The following SAMD12 variants were observed in gnomAD, a reference collection of about 807,000 sequenced individuals.
SAMD12 encodes sterile alpha motif domain containing 12, also known as sterile alpha motif domain-containing protein 12.
In SAMD12, 9 loss-of-function variants were observed where a neutral mutation model predicts 15.0. The ratio of observed to expected loss-of-function variants is 0.60; its 90% CI spans 0.36 to 1.05. SAMD12 has a LOEUF of 1.05. Among genes scored for constraint, SAMD12 ranks in the 50% least tolerant of loss-of-function variants. The pLI is 0.01. For synonymous variants in SAMD12, 86 were observed against 90.1 expected, an observed-to-expected ratio of 0.96 and a Z score of 0.25; for missense variants, 230 against 234.2, an observed-to-expected ratio of 0.98 and a Z score of 0.12.
the SAMD12 span, among the ~76,000 whole-genome samples, chr8:118,177,267 A>C: frequency 1.4e-5 from 2 of 147,036 alleles, no homozygotes; most frequent in East Asian, 4.0e-4. Context: ...TTGAGACAAG[A>C]TCTCATTCTG....
At chr8:118,173,750 T>C in the SAMD12 span, among the ~76,000 whole-genome samples, 6 of 151,532 alleles carry the variant, frequency 4.0e-5, no homozygotes, top group East Asian at 7.8e-4. Context: ...ATGCCTCAGC[T>C]TCCCGCATAG....
At chr8:118,589,771 T>C (rs573733841) in intron 1 of SAMD12, among the ~76,000 whole-genome samples, 1 of 152,224 alleles carries the variant, frequency 6.6e-6, no homozygotes, top group Non-Finnish European at 1.5e-5. Flanking sequence ...CCATGACCAA[T>C]CATCTTTATG....
At chr8:118,192,766 CTTA>C (rs1366016575) in exon 5 of SAMD12, 3 of 152,154 alleles carry the variant, frequency 2.0e-5, no homozygotes, top group African/African-American at 4.8e-5. Context: ...ATCTATGACA[CTTA>C]TTATGTCAAC....
intron 2 of SAMD12, among the ~76,000 whole-genome samples, chr8:118,444,537 C>CT (rs753468369): frequency 0.042 from 5,873 of 140,780 alleles, 314 homozygotes; most frequent in African/African-American, 0.13. Flanking sequence ...TTGCAAATTA[C>CT]TTTTTTTTTT....
At chr8:118,325,954 A>T (rs1335168018) in intron 4 of SAMD12, among the ~76,000 whole-genome samples, 2 of 152,216 alleles carry the variant, frequency 1.3e-5, no homozygotes, top group Non-Finnish European at 2.9e-5. Flanking sequence ...CTTACTTTGG[A>T]AACATTTTGC....
chr8:118,324,836 G>A (rs113008051), intron 4 of SAMD12, among the ~76,000 whole-genome samples: 17 of 152,278 alleles, frequency 1.1e-4, no homozygotes, highest in Admixed American at 8.5e-4. Flanking sequence ...TGCAGTAAGC[G>A]GAGGTCATGT....
chr8:118,449,690 C>T (rs1236268109), intron 2 of SAMD12, among the ~76,000 whole-genome samples: 1 of 150,442 alleles, frequency 6.6e-6, no homozygotes, highest in African/African-American at 2.4e-5. Context: ...TCCCAGCCTG[C>T]CTCGGGAAGC....
chr8:118,387,913 T>G (rs1305977610), intron 3 of SAMD12, among the ~76,000 whole-genome samples: 1 of 152,158 alleles, frequency 6.6e-6, no homozygotes, highest in African/African-American at 2.4e-5. Context: ...GATGGGTCTC[T>G]GAAAGTAGCC....
intron 4 of SAMD12, among the ~76,000 whole-genome samples, chr8:118,287,342 G>T (rs1586436160): frequency 6.6e-6 from 1 of 150,662 alleles, no homozygotes; most frequent in East Asian, 2.0e-4. Flanking sequence ...AGCCAGGATG[G>T]TCTTGATCTC....
chr8:118,555,360 TTC>T (rs900688658), intron 2 of SAMD12, among the ~76,000 whole-genome samples: 10 of 152,234 alleles, frequency 6.6e-5, no homozygotes, highest in African/African-American at 2.4e-5. Flanking sequence ...CATGGTATTT[TTC>T]TCTCTTTTTG....
chr8:118,156,649 G>T, the SAMD12 span, among the ~76,000 whole-genome samples: 1 of 152,084 alleles, frequency 6.6e-6, no homozygotes, highest in African/African-American at 2.4e-5. Flanking sequence ...GTGTTCAACG[G>T]GCATCTATTA....
chr8:118,250,626 T>C (rs924522936), intron 4 of SAMD12, among the ~76,000 whole-genome samples: 1 of 151,998 alleles, frequency 6.6e-6, no homozygotes, highest in African/African-American at 2.4e-5. Flanking sequence ...CCCAAGTAGC[T>C]GGGACCACAG....
chr8:118,620,399 C>CAAAA, intron 1 of SAMD12, among the ~76,000 whole-genome samples: 1 of 66,378 alleles, frequency 1.5e-5, no homozygotes, highest in Non-Finnish European at 2.5e-5. Flanking sequence ...CATAACGATG[C>CAAAA]AAAAAAAAAA....
chr8:118,273,961 A>G (rs1272483469), intron 4 of SAMD12, among the ~76,000 whole-genome samples: 2 of 152,214 alleles, frequency 1.3e-5, no homozygotes, highest in Admixed American at 6.5e-5. Flanking sequence ...TGTGCCCATC[A>G]TTGCGCTGCA....
chr8:118,420,455 A>C (rs1343640556), intron 3 of SAMD12, among the ~76,000 whole-genome samples: 1 of 152,252 alleles, frequency 6.6e-6, no homozygotes, highest in African/African-American at 2.4e-5. Context: ...TACCGCATCC[A>C]GGGAATAACT....
At chr8:118,209,756 A>G (rs965672709) in intron 4 of SAMD12, among the ~76,000 whole-genome samples, 16 of 152,202 alleles carry the variant, frequency 1.1e-4, no homozygotes, top group Admixed American at 1.0e-3. Flanking sequence ...CTTAAACCTT[A>G]TTTATTTCTT....
intron 4 of SAMD12, among the ~76,000 whole-genome samples, chr8:118,235,116 G>A: frequency 6.6e-6 from 1 of 152,036 alleles, no homozygotes; most frequent in Non-Finnish European, 1.5e-5. Context: ...TTTCAGATGT[G>A]TAAACCTCAA....
At chr8:118,496,236 A>G (rs547523021) in intron 2 of SAMD12, among the ~76,000 whole-genome samples, 1 of 152,298 alleles carries the variant, frequency 6.6e-6, no homozygotes, top group Admixed American at 6.5e-5. Flanking sequence ...GAACAAAATA[A>G]TAACCCATAA....
At chr8:118,464,813 T>G (rs1441067749) in intron 2 of SAMD12, among the ~76,000 whole-genome samples, 1 of 152,150 alleles carries the variant, frequency 6.6e-6, no homozygotes, top group Non-Finnish European at 1.5e-5. Context: ...ATGGAGGATA[T>G]TAGCCACTCA....
Sources: allele counts gnomAD v4.1 joint callset (sites outside exome capture counted in the v4.1 genomes callset), GRCh38; gene constraint gnomAD v4.1.1; transcripts MANE v1.5; gene names NCBI Gene and HGNC (gene_info 2026-07-23, HGNC 2026-07-21).